The following EVPL variants were observed in gnomAD, a reference collection of about 807,000 sequenced individuals.
EVPL encodes envoplakin.
A neutral mutation model predicts 129.7 loss-of-function variants in EVPL; 94 were observed. The ratio of observed to expected loss-of-function variants is 0.72; its 90% CI spans 0.61 to 0.86. The LOEUF (loss-of-function observed/expected upper bound fraction) is 0.86, where lower values mean the gene tolerates loss of function less well. Among genes scored for constraint, EVPL ranks in the 40% least tolerant of loss-of-function variants. The pLI is 0.00. For synonymous variants in EVPL, 1,172 were observed against 1,191.1 expected (o/e 0.98, Z 0.33); for missense variants, 2,625 against 2,721.1 (o/e 0.96, Z 0.79).
chr17:76,022,399 C>T lies in EVPL; in HGVS notation c.606+14G>A, dbSNP rs200658786. On this transcript the variant is annotated intron_variant, in intron 5 of 21. Coordinates refer to ENST00000301607, the MANE Select transcript of EVPL (RefSeq NM_001988.4). The surrounding 1 kb of genome is among the most constrained non-coding windows in gnomAD (Gnocchi z 5.6). ...GGGCTGGCCCCGGATGTGACATCCTCCAGGCTCACCTACCGGCCCCACGAG... is the reference window on the plus strand; with the variant it reads ...GGGCTGGCCCCGGATGTGACATCCTTCAGGCTCACCTACCGGCCCCACGAG... 1 of 1,613,470 alleles carries T rather than the reference C, an allele frequency of 6.2e-7. No individual in the cohort carries two copies. The highest frequency in any genetic ancestry group is 1.7e-5 in the Admixed American group (1 of 59,996).
chr17:76,026,507 G>A (rs557212169), intron 1 of EVPL, among the ~76,000 whole-genome samples: 6 of 152,268 alleles, frequency 3.9e-5, no homozygotes, highest in East Asian at 3.9e-4. Flanking sequence ...GAGCCACGGC[G>A]CCCGGCCATG....
chr17:76,019,181 G>A, intron 10 of EVPL, 121 bp from the exon 11 acceptor site: 1 of 1,136,858 alleles, frequency 8.8e-7, no homozygotes, highest in East Asian at 3.1e-5. Context: ...CTCTAAGTCA[G>A]CAAAGTAAAA....
rs540318196 is a variant in EVPL at position 76,007,760 on chromosome 17, G to A, written c.5445C>T (p.Ser1815=). ...TGTCATCACCGAGCCCGAGAGAGAAGCTGGGAGAGAAGAAACTGGTGCTCT... is the reference window on the plus strand; with the variant it reads ...TGTCATCACCGAGCCCGAGAGAGAAACTGGGAGAGAAGAAACTGGTGCTCT... ...APQSTSFFSP[S]FSLGLGDDSF... Residue 1815 remains serine (S), a synonymous_variant, in exon 22 of 22, where the codon AGC becomes AGT. Transcript: ENST00000301607. The surrounding 1 kb of genome is among the most constrained non-coding windows in gnomAD (Gnocchi z 8.8). The A allele has an allele frequency of 3.0e-4, 480 of 1,612,766 alleles. 1 individual carries two copies. In the South Asian group the frequency reaches 5.1e-3, roughly 17 times the overall value.
rs775808965 is a variant in EVPL at position 76,007,695 on chromosome 17, T to C, written c.5510A>G (p.Asn1837Ser). ...CACGGCCGTCTTGATGCTGCACTTG[T>C]TGTCTGTGGTTGTGTCATAGATCCC... The part of the protein sequence containing the change: ...IAGIYDTTTD[N>S]KCSIKTAVAK... The change falls in exon 22 of 22, where the codon AAC (asparagine) becomes AGC (serine). Residue 1837 changes from asparagine (N) to serine (S), a missense_variant. By Grantham distance (46) the Asn-to-Ser change is conservative. Around this residue, in one of 4 missense-constraint regions of EVPL, gnomAD observed 1,453 missense variants for 1,511.8 expected, o/e 0.96. Coordinates refer to ENST00000301607, the MANE Select transcript of EVPL (RefSeq NM_001988.4). This position sits in a 1 kb window ranked among gnomAD's most constrained non-coding sequence, Gnocchi z 8.8. 49 of 1,613,350 alleles carry C rather than the reference T, an allele frequency of 3.0e-5. No homozygotes were observed. In the East Asian group the frequency reaches 9.8e-4, roughly 32 times the overall value.
chr17:76,023,243 T>C (rs181341413), intron 4 of EVPL, 49 bp downstream of exon 4: 2 of 1,609,056 alleles, frequency 1.2e-6, no homozygotes, highest in East Asian at 4.5e-5. Context: ...TTAAATGCAG[T>C]TCCGTATCGC....
Position 76,027,268 on chromosome 17 carries a change from G to T in EVPL, c.-70C>A. 1 of 1,122,106 alleles carries T rather than the reference G, an allele frequency of 8.9e-7. No individual in the cohort carries two copies. The highest frequency in any genetic ancestry group is 1.4e-6 in the Non-Finnish European group (1 of 740,278). The allele number at this position is 1,122,106 out of a possible 1,614,324, so 69.5% of individuals were successfully genotyped here. ...AAGACGGCAGGAGGGCAGGTGGGAG[G>T]CAGCGGGCGTCCTCACTGGCTGGTC... On this transcript the variant is annotated 5_prime_UTR_variant, in exon 1 of 22. Transcript: ENST00000301607.
chr17:76,018,764 G>A (rs2066436375), intron 11 of EVPL, 150 bp downstream of exon 11: 1 of 1,197,786 alleles, frequency 8.3e-7, no homozygotes. Flanking sequence ...ACAGGACTTG[G>A]AGAGAGGAGG....
At chr17:76,020,747 G>C (rs1022711892) in intron 9 of EVPL, among the ~76,000 whole-genome samples, 6 of 151,800 alleles carry the variant, frequency 4.0e-5, no homozygotes, top group Middle Eastern at 6.3e-3. Context: ...TATAGAGACA[G>C]GGTCTTGCTA....
In EVPL at chr17:76,007,329, A is replaced by G; in HGVS notation, c.5876T>C (p.Leu1959Pro). 6.4e-7 allele frequency: 1 copy of G among 1,563,442 alleles called. No homozygotes were observed. Among genetic ancestry groups the G allele is most frequent in the African/African-American group, 1.4e-5 (1 of 73,484 alleles). Reference sequence around the variant, plus strand: ...CTCTTCACTGATCATCCCGGAGAGGAGGGCCTGCTGGATGGGGATGCGGCC... The same window carrying G: ...CTCTTCACTGATCATCCCGGAGAGGGGGGCCTGCTGGATGGGGATGCGGCC... ...RTGRIPIQQALLSGMISEELA... is the reference protein window; with the variant it reads ...RTGRIPIQQAPLSGMISEELA... Residue 1959 changes from leucine to proline, a missense_variant, in exon 22 of 22, where the codon CTC (leucine) becomes CCC (proline). By Grantham distance (98) the Leu-to-Pro change is moderately conservative. Coordinates refer to ENST00000301607, the MANE Select transcript of EVPL (RefSeq NM_001988.4). This position sits in a 1 kb window ranked among gnomAD's most constrained non-coding sequence, Gnocchi z 8.8.
At position 76,024,013 on chromosome 17, in the gene EVPL, G is replaced by C. The variant is rs2066482032; in HGVS notation, c.198+8C>G. 20 of 1,610,930 alleles carry C rather than the reference G, an allele frequency of 1.2e-5. No individual in the cohort carries two copies. Among genetic ancestry groups the C allele is most frequent in the Non-Finnish European group, 1.5e-5 (18 of 1,179,000 alleles). On this transcript the variant is annotated splice_region_variant and intron_variant, in intron 2 of 21. Coordinates refer to ENST00000301607, the MANE Select transcript of EVPL (RefSeq NM_001988.4). This position sits in a 1 kb window ranked among gnomAD's most constrained non-coding sequence, Gnocchi z 4.5. ...TCCACGCCCTGCCAACTGCTGCCGG[G>C]GCCTCACCTGCTGCAGCCTCTTCTG...
chr17:76,021,625 C>T (rs28405211), intron 8 of EVPL, 49 bp downstream of exon 8: 1 of 1,538,464 alleles, frequency 6.5e-7, no homozygotes, highest in Non-Finnish European at 8.8e-7. Context: ...CACCTCCCCC[C>T]TTCCCCGCCC....
In EVPL at chr17:76,007,728, G is replaced by T. The variant is rs148502601; in HGVS notation, c.5477C>A (p.Pro1826His). The change falls in exon 22 of 22, where the codon CCT (proline) becomes CAT (histidine). Residue 1826 changes from proline (P) to histidine (H), a missense_variant. Physicochemically the swap from Pro to His is moderately conservative, Grantham distance 77. This residue lies in a region of EVPL where 1,453 missense variants were observed against 1,511.8 expected (regional missense o/e 0.96). Transcript: ENST00000301607. The surrounding 1 kb of genome is among the most constrained non-coding windows in gnomAD (Gnocchi z 8.8). The part of the protein sequence containing the change: ...FSLGLGDDSF[P>H]IAGIYDTTTD... ...GGTTGTGTCATAGATCCCGGCGATAGGGAAGCTGTCATCACCGAGCCCGAG... is the reference window on the plus strand; with the variant it reads ...GGTTGTGTCATAGATCCCGGCGATATGGAAGCTGTCATCACCGAGCCCGAG... The T allele has an allele frequency of 2.2e-5, 36 of 1,612,992 alleles. No homozygotes were observed. The highest frequency in any genetic ancestry group is 3.1e-5 in the Non-Finnish European group (36 of 1,179,262).
In EVPL at chr17:76,012,092, G is replaced by A. The variant is rs1264343582; in HGVS notation, c.2374-3C>T. The A allele has an allele frequency of 2.5e-6, 4 of 1,608,230 alleles. No homozygotes were observed. Among genetic ancestry groups the A allele is most frequent in the Non-Finnish European group, 2.5e-6 (3 of 1,178,516 alleles). ...CTCTGGATCTCCTGCGTCAGCCTCT[G>A]CCAGGGAAGAACCCAGAGTCAGGAG... On this transcript the variant is annotated splice_region_variant and splice_polypyrimidine_tract_variant and intron_variant, in intron 18 of 21. Transcript: ENST00000301607.
rs1344943702 is a variant in EVPL, at chr17:76,027,214, T to C, written c.-16A>G. 6.3e-7 allele frequency: 1 copy of C among 1,588,032 alleles called. No individual in the cohort carries two copies. The highest frequency in any genetic ancestry group is 1.3e-5 in the African/African-American group (1 of 74,190). On this transcript the variant is annotated 5_prime_UTR_variant, in exon 1 of 22. Transcript: ENST00000301607. ...CCTTGAACATGGTCGTAAAGGCAAG[T>C]GCTGGCTCAGGCTGGGCTTGGCTGG... is the stretch of plus-strand genomic sequence containing the variant.
At position 76,019,569 on chromosome 17, in the gene EVPL, C is replaced by A; in HGVS notation, c.1096G>T (p.Gly366Cys). The A allele has an allele frequency of 6.3e-7, 1 of 1,580,848 alleles. No individual in the cohort carries two copies. The highest frequency in any genetic ancestry group is 8.6e-7 in the Non-Finnish European group (1 of 1,168,002). ...LDAKYSPAPGGPPGAPTELLQ... is the reference protein window; with the variant it reads ...LDAKYSPAPGCPPGAPTELLQ... The stretch of plus-strand genomic sequence containing the variant: ...AGCTCTGTGGGGGCGCCAGGGGGGC[C>A]CCCAGGTGCAGGGCTGTACTTGGCA... Residue 366 changes from glycine to cysteine, a missense_variant, in exon 10 of 22, where the codon GGC (glycine) becomes TGC (cysteine). Transcript: ENST00000301607.
chr17:76,008,019 G>A lies in EVPL; in HGVS notation c.5186C>T (p.Ser1729Leu), dbSNP rs766614508. 6 of 1,614,084 alleles carry A rather than the reference G, an allele frequency of 3.7e-6. No homozygotes were observed. The highest frequency in any genetic ancestry group is 1.1e-5 in the South Asian group (1 of 91,084). The change falls in exon 22 of 22, where the codon TCG becomes TTG. Residue 1729 changes from serine (S) to leucine (L), a missense_variant. By Grantham distance (145) the Ser-to-Leu change is moderately radical (BLOSUM62 -2). Transcript: ENST00000301607. This position sits in a 1 kb window ranked among gnomAD's most constrained non-coding sequence, Gnocchi z 7.4. ...CACAGACTCCTCCCCACAGGGCCCC[G>A]AGGTGGTGACCTCCTCCCAGTCACA... ...LECDWEEVTT[S>L]GPCGEESVLL...
At chr17:76,025,576 C>T (rs2066492914) in intron 1 of EVPL, among the ~76,000 whole-genome samples, 1 of 152,218 alleles carries the variant, frequency 6.6e-6, no homozygotes, top group Non-Finnish European at 1.5e-5. Flanking sequence ...GAGCTGCACA[C>T]TCCACCCTGG....
In EVPL at chr17:76,008,559, G is replaced by A. The variant is rs1291970896; in HGVS notation, c.4646C>T (p.Ala1549Val). 1 of 1,609,314 alleles carries A rather than the reference G, an allele frequency of 6.2e-7. No individual in the cohort carries two copies. The highest frequency in any genetic ancestry group is 2.2e-5 in the East Asian group (1 of 44,878). ...VWEMLNRERT[A>V]RQAREEEARR... ...TGCCTCCTCCTCCCGGGCCTGCCGG[G>A]CCGTGCGCTCCCTGTTGAGCATCTC... Residue 1549 changes from alanine to valine, a missense_variant, in exon 22 of 22, where the codon GCC (alanine) becomes GTC (valine). By Grantham distance (64) the Ala-to-Val change is moderately conservative (BLOSUM62 0). Around this residue, in one of 4 missense-constraint regions of EVPL, gnomAD observed 1,453 missense variants for 1,511.8 expected, o/e 0.96. Coordinates refer to ENST00000301607, the MANE Select transcript of EVPL (RefSeq NM_001988.4). This position sits in a 1 kb window ranked among gnomAD's most constrained non-coding sequence, Gnocchi z 7.4.
In EVPL at chr17:76,023,361, G is replaced by A. The variant is rs746582689; in HGVS notation, c.411C>T (p.Tyr137=). 3.0e-5 allele frequency: 49 copies of A among 1,613,772 alleles called. No individual in the cohort carries two copies. Among genetic ancestry groups the A allele is most frequent in the Non-Finnish European group, 4.1e-5 (48 of 1,180,024 alleles). The change falls in exon 4 of 22, where the codon TAC becomes TAT. Residue 137 remains tyrosine (Y), a synonymous_variant. Transcript: ENST00000301607. ...TQECAEYRAL[Y]EKMVLPPDVG... The stretch of plus-strand genomic sequence containing the variant: ...CGTCGGGGGGCAGCACCATCTTCTC[G>A]TACAGGGCACGGTACTCCGCACACT...
Sources: gnomAD v4.1 joint callset for allele counts (sites outside exome capture counted in the v4.1 genomes callset) on GRCh38, gnomAD v4.1.1 for gene constraint, gnomAD v4.1.1 regional missense constraint, Gnocchi (gnomAD v3.1) non-coding constraint, MANE v1.5 for transcripts, NCBI Gene and HGNC (gene_info 2026-07-23, HGNC 2026-07-21) for gene names.